Variants in MARCHF1 observed in about 807,000 individuals in gnomAD.
The protein encoded by MARCHF1 is E3 ubiquitin-protein ligase MARCHF1.
In MARCHF1, 40 loss-of-function variants were observed where a neutral mutation model predicts 54.2. The ratio of observed to expected loss-of-function variants is 0.74; its 90% CI spans 0.57 to 0.96. MARCHF1 has a LOEUF of 0.96. Ranked by LOEUF, MARCHF1 falls within the 40% of genes least tolerant of loss-of-function variation. The probability of loss-of-function intolerance (pLI) is 0.00; values close to 1 mark genes in which losing one functional copy is unlikely to be tolerated. For missense variants in MARCHF1, 586 were observed against 656.5 expected, an observed-to-expected ratio of 0.89 and a Z score of 1.17; for synonymous variants, 236 against 236.3, an observed-to-expected ratio of 1.00 and a Z score of 0.01.
At chr4:163,808,679 C>T (rs1256258747) in intron 4 of MARCHF1, among the ~76,000 whole-genome samples, 3 of 152,150 alleles carry the variant, frequency 2.0e-5, no homozygotes, top group African/African-American at 7.2e-5. Context: ...AGCCATTCTC[C>T]TGCCTCAGCC....
intron 1 of MARCHF1, among the ~76,000 whole-genome samples, chr4:164,356,778 A>AGCAAAAAAAAAAAAAAAAG (rs1186134449): frequency 5.2e-5 from 7 of 135,286 alleles, no homozygotes; most frequent in Non-Finnish European, 1.1e-4. Flanking sequence ...AAAAAAGAAA[A>AGCAAAAAAAAAAAAAAAAG]GCAAAAAAAA....
At chr4:164,040,352 G>GCTC (rs1754101030) in intron 2 of MARCHF1, among the ~76,000 whole-genome samples, 2 of 103,182 alleles carry the variant, frequency 1.9e-5, no homozygotes, top group Admixed American at 1.1e-4. Flanking sequence ...TATATACTTA[G>GCTC]TTCTTATTAA....
intron 1 of MARCHF1, among the ~76,000 whole-genome samples, chr4:164,195,365 CT>C (rs1731227321): frequency 6.6e-6 from 1 of 152,014 alleles, no homozygotes; most frequent in Non-Finnish European, 1.5e-5. Context: ...AGAAAATTTA[CT>C]TTTTACGTTA....
chr4:163,534,743 T>G (rs1738472675), intron 9 of MARCHF1, among the ~76,000 whole-genome samples: 1 of 152,086 alleles, frequency 6.6e-6, no homozygotes, highest in South Asian at 2.1e-4. Context: ...CCCTTTCTCC[T>G]ATAGACTTCT....
chr4:164,272,745 A>C (rs1322583012), intron 1 of MARCHF1, among the ~76,000 whole-genome samples: 1 of 151,856 alleles, frequency 6.6e-6, no homozygotes, highest in African/African-American at 2.4e-5. Context: ...ATCGCTCTTT[A>C]TTCTTATAGC....
intron 2 of MARCHF1, among the ~76,000 whole-genome samples, chr4:163,999,195 C>A (rs548482611): frequency 6.6e-6 from 1 of 151,178 alleles, no homozygotes; most frequent in South Asian, 2.1e-4. Flanking sequence ...ATATATATTT[C>A]AAAACATGTT....
intron 1 of MARCHF1, among the ~76,000 whole-genome samples, chr4:164,259,553 AAAAAAAAAAAAAG>A (rs1418975180): frequency 7.2e-6 from 1 of 138,382 alleles, no homozygotes; most frequent in Non-Finnish European, 1.5e-5. Flanking sequence ...TCAAAAAAAA[AAAAAAAAAAAAAG>A]AAAAAAGAAA....
chr4:163,708,430 C>A (rs1745012506), intron 4 of MARCHF1, among the ~76,000 whole-genome samples: 1 of 152,046 alleles, frequency 6.6e-6, no homozygotes, highest in South Asian at 2.1e-4. Flanking sequence ...CAAAAGGCAT[C>A]ATTTCTCCCT....
chr4:163,805,421 GT>G (rs1748200032), intron 4 of MARCHF1, among the ~76,000 whole-genome samples: 1 of 151,014 alleles, frequency 6.6e-6, no homozygotes, highest in Non-Finnish European at 1.5e-5. Flanking sequence ...TAAAAAATGA[GT>G]TTTAAGAGAC....
At chr4:164,295,529 A>T (rs1734389522) in intron 1 of MARCHF1, among the ~76,000 whole-genome samples, 1 of 152,178 alleles carries the variant, frequency 6.6e-6, no homozygotes, top group African/African-American at 2.4e-5. Flanking sequence ...GTGAAAAGTC[A>T]TGGAAGAATT....
At chr4:164,137,887 T>C (rs1426256989) in intron 1 of MARCHF1, among the ~76,000 whole-genome samples, 1 of 152,190 alleles carries the variant, frequency 6.6e-6, no homozygotes, top group African/African-American at 2.4e-5. Flanking sequence ...AGCAGATTTA[T>C]TGTGAGGTTC....
chr4:163,583,633 G>T (rs1026044950), intron 8 of MARCHF1: 2 of 130,486 alleles, frequency 1.5e-5, no homozygotes, highest in African/African-American at 6.0e-5. Context: ...TCATTATCAT[G>T]AATTTTTGTT....
rs115070127 is a variant in MARCHF1, at chr4:163,899,978, G to A, written c.-38-45809C>T. On this transcript the variant is annotated intron_variant, in intron 3 of 9. Transcript: ENST00000514618. Reference sequence around the variant, plus strand: ...AAGTATTTTTCCTAATATCAACATAGCTTGCTCCTTCATGTCCTTTGTCTT... The same window carrying A: ...AAGTATTTTTCCTAATATCAACATAACTTGCTCCTTCATGTCCTTTGTCTT... 6.4e-3 allele frequency among the ~76,000 whole-genome samples: 971 copies of A among 151,806 alleles called. 7 individuals carry two copies. The highest frequency in any genetic ancestry group is 0.022 in the African/African-American group (905 of 41,414).
rs58924723 is a variant in MARCHF1, at chr4:163,643,327, CAAAAAT to C, written c.163-29940_163-29935del. 2.7e-4 allele frequency among the ~76,000 whole-genome samples: 37 copies of C among 138,104 alleles called. 1 individual carries two copies. The highest frequency in any genetic ancestry group is 2.9e-4 in the African/African-American group (11 of 37,336). 90.6% of individuals were successfully genotyped at this position (138,104 alleles called of 152,430 possible). ...TGAGTGACAGAGTGAGACCCTGTCT[CAAAAAT>C]AAAAATAAAAATAAAAATAAAAATA... On this transcript the variant is annotated intron_variant, in intron 5 of 9. Transcript: ENST00000514618.
In MARCHF1 at chr4:163,700,807, A is replaced by G. The variant is rs1191527816; in HGVS notation, c.162+6T>C. The G allele has an allele frequency of 3.3e-6, 5 of 1,535,184 alleles. No individual in the cohort carries two copies. The Admixed American group carries it at 5.9e-5, about 18-fold the overall frequency. Reference sequence around the variant, plus strand: ...CAACAAACAAGAAAATGAGTACTTCACCTACTTTTGAAATGTTACTTGATC... The same window carrying G: ...CAACAAACAAGAAAATGAGTACTTCGCCTACTTTTGAAATGTTACTTGATC... On this transcript the variant is annotated splice_donor_region_variant and intron_variant, in intron 5 of 9. Coordinates refer to ENST00000514618, the MANE Select transcript of MARCHF1 (RefSeq NM_001394959.1).
chr4:164,122,006 G>T (rs558843478), intron 1 of MARCHF1, among the ~76,000 whole-genome samples: 1 of 152,116 alleles, frequency 6.6e-6, no homozygotes, highest in South Asian at 2.1e-4. Flanking sequence ...TGACCAAGTG[G>T]GATTTATCCC....
chr4:164,186,507 A>G (rs943313472), intron 1 of MARCHF1, among the ~76,000 whole-genome samples: 12 of 152,132 alleles, frequency 7.9e-5, no homozygotes, highest in African/African-American at 2.2e-4. Context: ...TTTGGCTTCT[A>G]TTTGGAAGGG....
intron 1 of MARCHF1, among the ~76,000 whole-genome samples, chr4:164,342,580 AACT>A (rs973177020): frequency 6.6e-6 from 1 of 151,844 alleles, no homozygotes; most frequent in Non-Finnish European, 1.5e-5. Context: ...AAATAAATAA[AACT>A]ACAATATAAT....
intron 2 of MARCHF1, among the ~76,000 whole-genome samples, chr4:164,015,138 G>T (rs775412236): frequency 7.2e-5 from 11 of 152,188 alleles, no homozygotes; most frequent in Non-Finnish European, 1.0e-4. Context: ...AGATAATACA[G>T]CTATAAATCT....
Sources: allele counts gnomAD v4.1 joint callset (sites outside exome capture counted in the v4.1 genomes callset), GRCh38; gene constraint gnomAD v4.1.1; transcripts MANE v1.5; gene names NCBI Gene and HGNC (gene_info 2026-07-23, HGNC 2026-07-21).